The following RNF152 variants were observed in gnomAD, a reference collection of about 807,000 sequenced individuals.
RNF152 encodes ring finger protein 152, also known as E3 ubiquitin-protein ligase RNF152.
In RNF152, 11 loss-of-function variants were observed where a neutral mutation model predicts 12.7. The ratio of observed to expected loss-of-function variants is 0.86; its 90% CI spans 0.54 to 1.43. The LOEUF (loss-of-function observed/expected upper bound fraction) is 1.43, where lower values mean the gene tolerates loss of function less well. Ranked by LOEUF, RNF152 falls within the 40% of genes most tolerant of loss-of-function variation. The probability of loss-of-function intolerance (pLI) is 0.00; values close to 1 mark genes in which losing one functional copy is unlikely to be tolerated. For missense variants in RNF152, 255 were observed against 274.8 expected, an observed-to-expected ratio of 0.93 and a Z score of 0.51; for synonymous variants, 113 against 120.3, an observed-to-expected ratio of 0.94 and a Z score of 0.40.
chr18:61,822,417 T>C (rs1462932865), intron 1 of RNF152, among the ~76,000 whole-genome samples: 1 of 152,236 alleles, frequency 6.6e-6, no homozygotes, highest in African/African-American at 2.4e-5. Flanking sequence ...AACAATTTAC[T>C]TTCACAAAAT....
At chr18:61,862,671 G>A (rs1045207431) in intron 1 of RNF152, among the ~76,000 whole-genome samples, 2 of 152,128 alleles carry the variant, frequency 1.3e-5, no homozygotes, top group South Asian at 2.1e-4. Context: ...CTCACCCCAC[G>A]TGTCTCTTCA....
At chr18:61,839,404 T>C (rs1175478077) in intron 1 of RNF152, among the ~76,000 whole-genome samples, 5 of 152,226 alleles carry the variant, frequency 3.3e-5, no homozygotes, top group African/African-American at 1.2e-4. Context: ...TCATAGAACA[T>C]CCCTCAGTTT....
intron 1 of RNF152, among the ~76,000 whole-genome samples, chr18:61,827,190 T>C (rs1325358131): frequency 6.6e-6 from 1 of 152,230 alleles, no homozygotes; most frequent in Non-Finnish European, 1.5e-5. Flanking sequence ...TGCATAGCTA[T>C]AGCAGGCCAC....
chr18:61,874,254 C>A (rs767029042), intron 1 of RNF152, among the ~76,000 whole-genome samples: 1 of 152,100 alleles, frequency 6.6e-6, no homozygotes, highest in Non-Finnish European at 1.5e-5. Flanking sequence ...ATGAACTGAC[C>A]AAAGAGAAGA....
chr18:61,848,774 G>A (rs1910844491), intron 1 of RNF152, among the ~76,000 whole-genome samples: 1 of 152,184 alleles, frequency 6.6e-6, no homozygotes, highest in African/African-American at 2.4e-5. Flanking sequence ...GTACAGATGG[G>A]GACAAGGGGC....
intron 1 of RNF152, among the ~76,000 whole-genome samples, chr18:61,818,611 G>T (rs1325320574): frequency 6.6e-6 from 1 of 152,108 alleles, no homozygotes; most frequent in African/African-American, 2.4e-5. Context: ...TTCATATCAG[G>T]ATCAACTACA....
intron 1 of RNF152, 30 bp from the exon 2 acceptor site, chr18:61,816,628 T>C (rs1039494393): frequency 1.5e-6 from 1 of 683,566 alleles, no homozygotes; most frequent in African/African-American, 1.8e-5. Context: ...CAAACAATCT[T>C]AATTATTTCA....
chr18:61,867,451 CA>C (rs879642174), intron 1 of RNF152, among the ~76,000 whole-genome samples: 127 of 133,168 alleles, frequency 9.5e-4, no homozygotes, highest in Admixed American at 1.1e-3. Context: ...GACACCATCT[CA>C]AAAAAAAAAA....
chr18:61,853,562 G>C (rs1341804225), intron 1 of RNF152, among the ~76,000 whole-genome samples: 1 of 152,124 alleles, frequency 6.6e-6, no homozygotes, highest in East Asian at 1.9e-4. Context: ...AAAGTGCCGG[G>C]ATTACAGGCT....
At chr18:61,855,633 C>T (rs544452324) in intron 1 of RNF152, among the ~76,000 whole-genome samples, 5 of 152,344 alleles carry the variant, frequency 3.3e-5, no homozygotes, top group South Asian at 4.1e-4. Context: ...CTGCCTGCCC[C>T]GCTGCAGCCC....
chr18:61,820,020 C>CAAA (rs1165545204), intron 1 of RNF152, among the ~76,000 whole-genome samples: 15 of 64,358 alleles, frequency 2.3e-4, no homozygotes, highest in Admixed American at 7.8e-4. Context: ...GACACTATCT[C>CAAA]AAAAAAAAAA....
At chr18:61,891,337 T>G (rs1912951052) in intron 1 of RNF152, among the ~76,000 whole-genome samples, 1 of 152,226 alleles carries the variant, frequency 6.6e-6, no homozygotes. Context: ...AACCTAACAC[T>G]GCACTGTGGC....
upstream of RNF152, chr18:61,893,727 G>A (rs1475397281): frequency 2.6e-5 from 4 of 152,360 alleles, no homozygotes; most frequent in Non-Finnish European, 5.9e-5. Context: ...CGGGCCGGGG[G>A]CGCAACTGGG....
rs183402481 is a variant in RNF152 at position 61,876,184 on chromosome 18, G to A, written c.-136+16611C>T. ...CAGACAATTACTGTCTACCCTTCAC[G>A]GGCATTGTCAAATACTACATTTTTT... On this transcript the variant is annotated intron_variant, in intron 1 of 1. Transcript: ENST00000312828. 2.5e-3 allele frequency among the ~76,000 whole-genome samples: 378 copies of A among 152,218 alleles called. 2 individuals carry two copies. The highest frequency in any genetic ancestry group is 8.0e-3 in the African/African-American group (334 of 41,536).
intron 1 of RNF152, among the ~76,000 whole-genome samples, chr18:61,817,494 C>T (rs547557802): frequency 3.3e-5 from 5 of 152,192 alleles, no homozygotes; most frequent in South Asian, 2.1e-4. Context: ...GCATCTGCGA[C>T]CAAATGACAT....
chr18:61,831,709 T>C (rs1443247665), intron 1 of RNF152, among the ~76,000 whole-genome samples: 2 of 152,066 alleles, frequency 1.3e-5, no homozygotes, highest in Non-Finnish European at 2.9e-5. Flanking sequence ...CAAAAACCAC[T>C]GTAAATACAA....
chr18:61,857,247 C>T (rs769211883), intron 1 of RNF152, among the ~76,000 whole-genome samples: 68 of 152,152 alleles, frequency 4.5e-4, no homozygotes, highest in Non-Finnish European at 6.5e-4. Flanking sequence ...GATGAGAAAA[C>T]TGAGACTTAA....
At chr18:61,892,419 T>C (rs1001651111) in intron 1 of RNF152, among the ~76,000 whole-genome samples, 1 of 152,180 alleles carries the variant, frequency 6.6e-6, no homozygotes, top group Non-Finnish European at 1.5e-5. Context: ...TGATACCTTT[T>C]CAACAAAGGA....
intron 1 of RNF152, among the ~76,000 whole-genome samples, chr18:61,845,242 C>T (rs1453815202): frequency 1.3e-5 from 2 of 152,258 alleles, no homozygotes; most frequent in Non-Finnish European, 2.9e-5. Flanking sequence ...TAAGCCACTG[C>T]ACCCACCCAA....
Sources: gnomAD v4.1 joint callset for allele counts (sites outside exome capture counted in the v4.1 genomes callset) on GRCh38, gnomAD v4.1.1 for gene constraint, MANE v1.5 for transcripts, NCBI Gene and HGNC (gene_info 2026-07-23, HGNC 2026-07-21) for gene names.